TAX1BP1: variants seen among roughly 807,000 people sequenced by gnomAD.
TAX1BP1 encodes tax1-binding protein 1.
A neutral mutation model predicts 97.7 loss-of-function variants in TAX1BP1; 62 were observed. The observed-to-expected ratio is 0.63, with a 90% CI of 0.52 to 0.78. The LOEUF is 0.78. TAX1BP1 is among the 30% of genes least tolerant of loss of function. The pLI is 0.00. For missense variants in TAX1BP1, 867 were observed against 916.1 expected, an observed-to-expected ratio of 0.95 and a Z score of 0.69; for synonymous variants, 340 against 304.2, an observed-to-expected ratio of 1.12 and a Z score of -1.23.
intron 5 of TAX1BP1, among the ~76,000 whole-genome samples, chr7:27,784,298 A>G (rs1789382304): frequency 6.6e-6 from 1 of 152,198 alleles, no homozygotes; most frequent in Non-Finnish European, 1.5e-5. Flanking sequence ...ATAGTTTTCT[A>G]TAACAAAGCA....
intron 5 of TAX1BP1, among the ~76,000 whole-genome samples, chr7:27,781,595 C>G (rs1345086583): frequency 6.6e-6 from 1 of 152,154 alleles, no homozygotes; most frequent in African/African-American, 2.4e-5. Flanking sequence ...GCAGGACTGA[C>G]AGTGCTCTAG....
chr7:27,770,401 C>A (rs1021034442), intron 5 of TAX1BP1, among the ~76,000 whole-genome samples: 4 of 152,012 alleles, frequency 2.6e-5, no homozygotes, highest in African/African-American at 9.6e-5. Context: ...TTGTAAGAAG[C>A]CAAAAACAGT....
At chr7:27,807,761 C>A (rs139667563) in intron 13 of TAX1BP1, among the ~76,000 whole-genome samples, 1 of 152,236 alleles carries the variant, frequency 6.6e-6, no homozygotes, top group African/African-American at 2.4e-5. Context: ...TAATGATCTT[C>A]TAACTCCATA....
Position 27,744,226 on chromosome 7 carries a change from C to T in TAX1BP1, c.-8+3957C>T, listed in dbSNP as rs181113393. Among the ~76,000 whole-genome samples, 695 of 152,294 alleles carry T rather than the reference C, an allele frequency of 4.6e-3. 14 individuals are homozygous for T. The highest frequency in any genetic ancestry group is 2.3e-3 in the East Asian group (12 of 5,178). On this transcript the variant is annotated intron_variant, in intron 1 of 16. Transcript: ENST00000396319. ...TGCAGGCTCCGCCCCCCAGGGTTCA[C>T]GCCATTCTCCTGCCTCAGCCTCCCG...
chr7:27,817,074 T>C (rs1160365568), intron 15 of TAX1BP1, 36 bp downstream of exon 15: 2 of 1,585,440 alleles, frequency 1.3e-6, no homozygotes, highest in South Asian at 1.1e-5. Flanking sequence ...CCTGTCCCTT[T>C]TTTATTTTTT....
chr7:27,808,533 G>C (rs1202122306), intron 13 of TAX1BP1, among the ~76,000 whole-genome samples: 1 of 152,088 alleles, frequency 6.6e-6, no homozygotes, highest in Non-Finnish European at 1.5e-5. Flanking sequence ...GTTGTCCTAT[G>C]GTGTACTCTC....
At chr7:27,755,165 C>A (rs908223889) in intron 2 of TAX1BP1, among the ~76,000 whole-genome samples, 1 of 152,104 alleles carries the variant, frequency 6.6e-6, no homozygotes, top group Non-Finnish European at 1.5e-5. Flanking sequence ...ATGCTTCTAC[C>A]CATTGTACTC....
intron 3 of TAX1BP1, among the ~76,000 whole-genome samples, chr7:27,760,655 A>G (rs1021959784): frequency 2.0e-5 from 3 of 152,114 alleles, no homozygotes; most frequent in East Asian, 1.9e-4. Context: ...CGGCTTCCCA[A>G]AGTGTTGGAA....
chr7:27,784,754 G>C (rs1246448798), intron 5 of TAX1BP1, among the ~76,000 whole-genome samples: 2 of 151,998 alleles, frequency 1.3e-5, no homozygotes, highest in African/African-American at 2.4e-5. Context: ...ACTTTTGGAG[G>C]CCGAGGCAGG....
At chr7:27,801,130 G>GGA (rs1562732045) in intron 13 of TAX1BP1, among the ~76,000 whole-genome samples, 1 of 132,366 alleles carries the variant, frequency 7.6e-6, no homozygotes, top group East Asian at 2.2e-4. Context: ...GAATGTTAGA[G>GGA]AAAAAAAAAA....
At chr7:27,743,767 ATTTTTTTTTTTTTTTTTTTTTTTTTTTTT>A (rs58774608) in intron 1 of TAX1BP1, among the ~76,000 whole-genome samples, 1 of 10,472 alleles carries the variant, frequency 9.5e-5, no homozygotes, top group Non-Finnish European at 1.5e-4. Context: ...TAGTATCTTT[ATTTTTTTTTTTTTTTTTTTTTTTTTTTTT>A]TTTTTTTTTT....
chr7:27,802,258 T>C (rs534155271), intron 13 of TAX1BP1, among the ~76,000 whole-genome samples: 1 of 152,250 alleles, frequency 6.6e-6, no homozygotes, highest in Admixed American at 6.5e-5. Flanking sequence ...GAAAATAATT[T>C]GGCAGCATTG....
chr7:27,760,065 G>C (rs1788365379), intron 3 of TAX1BP1, among the ~76,000 whole-genome samples: 1 of 151,950 alleles, frequency 6.6e-6, no homozygotes, highest in Non-Finnish European at 1.5e-5. Context: ...TGTTGGCCAG[G>C]CTGGTCTCAA....
At chr7:27,828,356 G>C (rs930358744) in intron 16 of TAX1BP1, among the ~76,000 whole-genome samples, 1 of 152,110 alleles carries the variant, frequency 6.6e-6, no homozygotes, top group Non-Finnish European at 1.5e-5. Flanking sequence ...CTAATTTCAC[G>C]TAATTGTGAT....
intron 9 of TAX1BP1, 130 bp from the exon 10 acceptor site, chr7:27,792,936 T>G: frequency 1.3e-6 from 1 of 771,770 alleles, no homozygotes; most frequent in Non-Finnish European, 2.0e-6. Flanking sequence ...TGTTTCAGCC[T>G]GGGTGACAGA....
chr7:27,817,059 G>A (rs1183924730), intron 15 of TAX1BP1, 21 bp downstream of exon 15: 1 of 1,596,772 alleles, frequency 6.3e-7, no homozygotes, highest in African/African-American at 1.4e-5. Context: ...TTTTCATTGT[G>A]TGAGCCTGTC....
At chr7:27,817,871 A>T (rs1316441826) in intron 15 of TAX1BP1, among the ~76,000 whole-genome samples, 1 of 152,048 alleles carries the variant, frequency 6.6e-6, no homozygotes, top group Non-Finnish European at 1.5e-5. Flanking sequence ...TGCTGCATTT[A>T]ATTGCTATTA....
chr7:27,796,946 T>G (rs1325263264), intron 12 of TAX1BP1, among the ~76,000 whole-genome samples: 1 of 152,034 alleles, frequency 6.6e-6, no homozygotes, highest in East Asian at 1.9e-4. Flanking sequence ...GAAAAGGGAA[T>G]GTTAACCAAA....
chr7:27,814,653 T>A (rs1035428002), intron 13 of TAX1BP1, among the ~76,000 whole-genome samples: 33 of 152,240 alleles, frequency 2.2e-4, no homozygotes, highest in Non-Finnish European at 3.4e-4. Context: ...ATTTTCCAAT[T>A]ATTTGTTGCT....
Sources: allele counts gnomAD v4.1 joint callset (sites outside exome capture counted in the v4.1 genomes callset), GRCh38; gene constraint gnomAD v4.1.1; transcripts MANE v1.5; gene names NCBI Gene and HGNC (gene_info 2026-07-23, HGNC 2026-07-21).